The following ZNF638 variants were observed in gnomAD, a reference collection of about 807,000 sequenced individuals.
ZNF638 encodes CTCL tumor antigen se33-1.
In ZNF638, 46 loss-of-function variants were observed where a neutral mutation model predicts 195.6. The observed-to-expected ratio is 0.24, with a 90% CI of 0.19 to 0.30. The LOEUF (loss-of-function observed/expected upper bound fraction) is 0.30, where lower values mean the gene tolerates loss of function less well. Ranked by LOEUF, ZNF638 falls within the 10% of genes least tolerant of loss-of-function variation. ZNF638 has a pLI of 1.00. For missense variants in ZNF638, 2,440 were observed against 2,325.3 expected (o/e 1.05, Z -1.01); for synonymous variants, 845 against 772.0 (o/e 1.09, Z -1.57).
chr2:71,428,060 C>T (rs1239665032), intron 24 of ZNF638, among the ~76,000 whole-genome samples: 1 of 152,058 alleles, frequency 6.6e-6, no homozygotes, highest in East Asian at 1.9e-4. Context: ...GGCACGGTGG[C>T]ATGCGTCTGT....
chr2:71,370,668 A>G (rs149536183), intron 8 of ZNF638, among the ~76,000 whole-genome samples: 2 of 152,234 alleles, frequency 1.3e-5, no homozygotes, highest in East Asian at 1.9e-4. Context: ...ATATTTTTAT[A>G]TCTTAAAAAA....
chr2:71,378,022 A>G (rs1249371438), intron 8 of ZNF638, among the ~76,000 whole-genome samples: 1 of 152,240 alleles, frequency 6.6e-6, no homozygotes, highest in Admixed American at 6.5e-5. Flanking sequence ...GACTTAGAAG[A>G]TATTTCACTA....
chr2:71,361,191 G>A (rs753379939), intron 3 of ZNF638, among the ~76,000 whole-genome samples: 1 of 152,048 alleles, frequency 6.6e-6, no homozygotes, highest in Non-Finnish European at 1.5e-5. Context: ...GAGCTCAAGC[G>A]ATCTGCCTAC....
chr2:71,380,462 T>C (rs1231800220), intron 9 of ZNF638, 51 bp from the exon 10 acceptor site: 4 of 1,487,682 alleles, frequency 2.7e-6, no homozygotes, highest in Non-Finnish European at 3.7e-6. Context: ...TAGGATTTTG[T>C]AGAACTTAGA....
At chr2:71,348,720 A>T in intron 1 of ZNF638, 33 bp from the exon 2 acceptor site, 2 of 1,482,416 alleles carry the variant, frequency 1.3e-6, no homozygotes, top group Non-Finnish European at 1.8e-6. Flanking sequence ...AGTTTGAGTT[A>T]AAATGATCTA....
intron 21 of ZNF638, among the ~76,000 whole-genome samples, chr2:71,419,981 T>C (rs2080395548): frequency 2.0e-5 from 1 of 51,274 alleles, no homozygotes; most frequent in African/African-American, 4.6e-5. Context: ...CGCCTTTTTT[T>C]TTTTTTTTTT....
intron 10 of ZNF638, among the ~76,000 whole-genome samples, chr2:71,390,089 A>G (rs140051826): frequency 0.012 from 1,854 of 152,326 alleles, 17 homozygotes; most frequent in Middle Eastern, 0.031. Context: ...ACTCAGCAAA[A>G]GAACCCCCTT....
intron 10 of ZNF638, among the ~76,000 whole-genome samples, chr2:71,384,133 T>C (rs1324002087): frequency 6.6e-6 from 1 of 152,210 alleles, no homozygotes; most frequent in Non-Finnish European, 1.5e-5. Flanking sequence ...CGGATCCATA[T>C]TAGTTTTCCA....
intron 16 of ZNF638, 35 bp from the exon 17 acceptor site, chr2:71,403,835 G>A (rs2080052848): frequency 6.9e-7 from 1 of 1,446,734 alleles, no homozygotes; most frequent in Non-Finnish European, 9.4e-7. Flanking sequence ...AGTAACATAA[G>A]ATTTTTCTTG....
intron 3 of ZNF638, 41 bp from the exon 4 acceptor site, chr2:71,363,112 T>A (rs112868721): frequency 2.1e-6 from 3 of 1,458,270 alleles, no homozygotes; most frequent in African/African-American, 1.4e-5. Flanking sequence ...CCTTACAGTC[T>A]GATTTTAGCT....
chr2:71,404,149 T>G (rs2080058550), intron 17 of ZNF638, 151 bp downstream of exon 17: 1 of 713,136 alleles, frequency 1.4e-6, no homozygotes, highest in Admixed American at 2.6e-5. Flanking sequence ...AATCACCCAG[T>G]CACCCATCCC....
intron 23 of ZNF638, among the ~76,000 whole-genome samples, chr2:71,425,654 C>T (rs908181250): frequency 6.6e-6 from 1 of 151,988 alleles, no homozygotes; most frequent in African/African-American, 2.4e-5. Flanking sequence ...CAAAATGTAA[C>T]CATTATATTT....
intron 10 of ZNF638, among the ~76,000 whole-genome samples, chr2:71,394,887 G>C (rs2079861301): frequency 6.6e-6 from 1 of 152,152 alleles, no homozygotes; most frequent in African/African-American, 2.4e-5. Flanking sequence ...AGCCCTCGAG[G>C]CTGCCTTGGA....
chr2:71,409,528 G>T (rs2080169846), intron 20 of ZNF638, among the ~76,000 whole-genome samples: 1 of 152,090 alleles, frequency 6.6e-6, no homozygotes, highest in South Asian at 2.1e-4. Flanking sequence ...TATAAAGAAG[G>T]CAATATGTGT....
intron 17 of ZNF638, 77 bp downstream of exon 17, chr2:71,404,075 G>C: frequency 7.0e-7 from 1 of 1,435,532 alleles, no homozygotes; most frequent in Admixed American, 2.3e-5. Context: ...ATGTTTTCTA[G>C]TTTTCCACTT....
chr2:71,333,747 C>T (rs2078614548), intron 1 of ZNF638, among the ~76,000 whole-genome samples: 1 of 152,078 alleles, frequency 6.6e-6, no homozygotes. Context: ...TTTAGTCTTT[C>T]TTGAGCTTTT....
At position 71,368,442 on chromosome 2, in the gene ZNF638, G is replaced by C; in HGVS notation, c.2056G>C (p.Asp686His). Residue 686 changes from aspartate (D) to histidine (H), a missense_variant, in exon 7 of 28, where the codon GAT becomes CAT. Transcript: ENST00000264447. ...TCTTCTTATAACTGAATTACCAGAG[G>C]ATGGTTGTACTGAAGAAGATGTGAG... ...SVLLITELPE[D>H]GCTEEDVRKL... 1 of 1,613,610 alleles carries C rather than the reference G, an allele frequency of 6.2e-7. No individual in the cohort carries two copies. The highest frequency in any genetic ancestry group is 8.5e-7 in the Non-Finnish European group (1 of 1,179,754).
intron 2 of ZNF638, among the ~76,000 whole-genome samples, chr2:71,350,875 A>C (rs893559397): frequency 3.9e-5 from 6 of 152,336 alleles, no homozygotes; most frequent in Admixed American, 3.9e-4. Context: ...AAATAGTGTA[A>C]AATGATAGAA....
chr2:71,374,878 A>AAT (rs1410921072), intron 8 of ZNF638: 1 of 152,190 alleles, frequency 6.6e-6, no homozygotes, highest in African/African-American at 2.4e-5. Context: ...GAGCTGAGAT[A>AAT]GCACCATGGC....
Sources: gnomAD v4.1 joint callset for allele counts (sites outside exome capture counted in the v4.1 genomes callset) on GRCh38, gnomAD v4.1.1 for gene constraint, MANE v1.5 for transcripts, NCBI Gene and HGNC (gene_info 2026-07-23, HGNC 2026-07-21) for gene names.